The following SREBF2 variants were observed in gnomAD, a reference collection of about 807,000 sequenced individuals.
The protein encoded by SREBF2 is sterol regulatory element-binding protein 2.
A neutral mutation model predicts 113.1 loss-of-function variants in SREBF2; 55 were observed. That is an observed-to-expected ratio of 0.49 (90% confidence interval 0.39 to 0.61). SREBF2 has a LOEUF of 0.61. Ranked by LOEUF, SREBF2 falls within the 20% of genes least tolerant of loss-of-function variation. The pLI, the probability that SREBF2 is intolerant of heterozygous loss-of-function variation, is 0.00. For missense variants in SREBF2, 1,349 were observed against 1,487.4 expected, an observed-to-expected ratio of 0.91 and a Z score of 1.53; for synonymous variants, 593 against 605.7, an observed-to-expected ratio of 0.98 and a Z score of 0.31.
intron 1 of SREBF2, among the ~76,000 whole-genome samples, 198 bp from the exon 2 acceptor site, chr22:41,866,633 T>G (rs2077078577): frequency 6.6e-6 from 1 of 152,132 alleles, no homozygotes; most frequent in African/African-American, 2.4e-5. Flanking sequence ...ACAGATAAAG[T>G]CCTGTCCTGT....
chr22:41,843,531 A>G (rs1037616206), intron 1 of SREBF2, among the ~76,000 whole-genome samples: 1 of 152,238 alleles, frequency 6.6e-6, no homozygotes. Context: ...TGAGGCATAG[A>G]TCACGTAGCT....
Position 41,897,127 on chromosome 22 carries a change from A to T in SREBF2, c.2571A>T (p.Pro857=). ...ACTCTGTGGGGGTTATGAGCCCCCC[A>T]CTCTCCAGGAGCTCCGTGCTCAAGT... The part of the protein sequence containing the change: ...FVDSVGVMSP[P]LSRSSVLKSA... The change falls in exon 14 of 19, where the codon CCA becomes CCT. Residue 857 remains proline, a synonymous_variant. Transcript: ENST00000361204. 6.2e-7 allele frequency: 1 copy of T among 1,611,894 alleles called. No individual in the cohort carries two copies. Among genetic ancestry groups the T allele is most frequent in the South Asian group, 1.1e-5 (1 of 90,882 alleles).
intron 15 of SREBF2, chr22:41,899,482 C>T: frequency 1.0e-6 from 1 of 995,160 alleles, no homozygotes; most frequent in Non-Finnish European, 1.2e-6. Flanking sequence ...GAGGTCCTAT[C>T]CTTAGAGCCA....
At chr22:41,867,926 A>G (rs1276873165) in intron 2 of SREBF2, among the ~76,000 whole-genome samples, 5 of 152,380 alleles carry the variant, frequency 3.3e-5, no homozygotes, top group African/African-American at 7.2e-5. Flanking sequence ...CAGCTGCCAC[A>G]GTTGAGAACT....
chr22:41,878,544 T>C (rs1432428717), intron 9 of SREBF2: 3 of 610,642 alleles, frequency 4.9e-6, no homozygotes, highest in African/African-American at 1.9e-5. Context: ...TAGGCCCAAA[T>C]TGGAGAGGGC....
At chr22:41,898,464 T>G (rs1436519157) in intron 14 of SREBF2, among the ~76,000 whole-genome samples, 185 bp from the exon 15 acceptor site, 1 of 152,194 alleles carries the variant, frequency 6.6e-6, no homozygotes, top group Non-Finnish European at 1.5e-5. Context: ...CCAAACACTT[T>G]CCAAGATTGT....
intron 11 of SREBF2, among the ~76,000 whole-genome samples, chr22:41,891,584 G>A (rs1049652890): frequency 6.6e-6 from 1 of 152,180 alleles, no homozygotes; most frequent in Admixed American, 6.5e-5. Context: ...TGGCATTCAA[G>A]TCTTCTGAAG....
intron 17 of SREBF2, 65 bp from the exon 18 acceptor site, chr22:41,904,798 G>A (rs1455873635): frequency 3.8e-6 from 5 of 1,301,428 alleles, no homozygotes; most frequent in South Asian, 1.3e-5. Flanking sequence ...CTCAGGGAGA[G>A]CTACCCTGGG....
intron 14 of SREBF2, among the ~76,000 whole-genome samples, chr22:41,898,291 T>G (rs1417780601): frequency 6.6e-6 from 1 of 152,104 alleles, no homozygotes; most frequent in Non-Finnish European, 1.5e-5. Context: ...TTTTTTTGTG[T>G]ATTTTTAGTA....
In SREBF2 at chr22:41,853,571, A is replaced by G. The variant is rs904306623; in HGVS notation, c.89-13260A>G. ...AATTTATTATCTCTGTGCCTGGTAC[A>G]CAGTGGATGCTTAACCCGTTGAAAT... On this transcript the variant is annotated intron_variant, in intron 1 of 18. Transcript: ENST00000361204. Among the ~76,000 whole-genome samples the G allele has an allele frequency of 3.0e-4, 46 of 152,318 alleles. 1 individual carries two copies. The highest frequency in any genetic ancestry group is 2.7e-3 in the Admixed American group (42 of 15,292).
intron 1 of SREBF2, among the ~76,000 whole-genome samples, chr22:41,856,893 G>A (rs888568977): frequency 6.6e-6 from 1 of 151,742 alleles, no homozygotes; most frequent in Non-Finnish European, 1.5e-5. Flanking sequence ...TGGCCAACAC[G>A]AAGTCTCTAC....
chr22:41,905,219 G>A (rs1255443202), intron 18 of SREBF2, among the ~76,000 whole-genome samples: 1 of 152,226 alleles, frequency 6.6e-6, no homozygotes, highest in African/African-American at 2.4e-5. Context: ...AGGCATAGAA[G>A]CAGAAGCTCG....
rs1348663670 is a variant in SREBF2 at position 41,905,689 on chromosome 22, C to G, written c.*29C>G. 3.2e-6 allele frequency: 5 copies of G among 1,546,820 alleles called. No individual in the cohort carries two copies. The highest frequency in any genetic ancestry group is 3.5e-6 in the Non-Finnish European group (4 of 1,142,514). On this transcript the variant is annotated 3_prime_UTR_variant, in exon 19 of 19. Transcript: ENST00000361204. ...CCAGGCTCAGCCCACCCCTCCACCT[C>G]TCTCTCGATTTCTCTCTCTCCCCCT...
At chr22:41,876,174 G>A (rs1313413355) in intron 7 of SREBF2, among the ~76,000 whole-genome samples, 1 of 152,168 alleles carries the variant, frequency 6.6e-6, no homozygotes, top group African/African-American at 2.4e-5. Context: ...TTACCTATGG[G>A]CCTTTAATCG....
intron 1 of SREBF2, among the ~76,000 whole-genome samples, chr22:41,859,578 A>G (rs2077006487): frequency 6.6e-6 from 1 of 152,200 alleles, no homozygotes; most frequent in South Asian, 2.1e-4. Context: ...TCACATTTTC[A>G]AAGTAAGAGT....
intron 16 of SREBF2, among the ~76,000 whole-genome samples, chr22:41,902,741 C>G (rs1238225897): frequency 2.0e-5 from 3 of 152,218 alleles, no homozygotes; most frequent in African/African-American, 7.2e-5. Flanking sequence ...TGCTTTCTCA[C>G]CTGCAGAATG....
chr22:41,863,953 C>T (rs1271982530), intron 1 of SREBF2, among the ~76,000 whole-genome samples: 3 of 151,532 alleles, frequency 2.0e-5, no homozygotes, highest in African/African-American at 4.9e-5. Flanking sequence ...GCAGTCATCT[C>T]GGCTTACTGC....
Position 41,906,162 on chromosome 22 carries a change from G to GAT in SREBF2, c.*502_*503insAT, listed in dbSNP as rs2077507165. ...TGATGCGAGGCTGAGTTGCTGTAGC[G>GAT]TCTTGATTCTCTCCCTGGGTCTGCG... On this transcript the variant is annotated 3_prime_UTR_variant, in exon 19 of 19. Coordinates refer to ENST00000361204, the MANE Select transcript of SREBF2 (RefSeq NM_004599.4). 4 of 370,248 alleles carry GAT rather than the reference G, an allele frequency of 1.1e-5. No homozygotes were observed. The highest frequency in any genetic ancestry group is 2.1e-5 in the African/African-American group (1 of 47,142). 22.9% of individuals were successfully genotyped at this position (370,248 alleles called of 1,614,324 possible). A position where few individuals can be genotyped will look rare whatever the true frequency, so the allele number is the denominator to read the frequency against.
intron 7 of SREBF2, 71 bp from the exon 8 acceptor site, chr22:41,877,158 A>G (rs929739436): frequency 1.9e-5 from 27 of 1,412,520 alleles, no homozygotes; most frequent in Non-Finnish European, 2.5e-5. Flanking sequence ...CTCAATATAT[A>G]TATATGTATT....
Sources: allele counts gnomAD v4.1 joint callset (sites outside exome capture counted in the v4.1 genomes callset), GRCh38; gene constraint gnomAD v4.1.1; transcripts MANE v1.5; gene names NCBI Gene and HGNC (gene_info 2026-07-23, HGNC 2026-07-21).